The following TMOD4 variants were observed in gnomAD, a reference collection of about 807,000 sequenced individuals.
The protein encoded by TMOD4 is tropomodulin 4, also known as tropomodulin-4.
TMOD4 carries 34 observed loss-of-function variants against 45.4 expected under a neutral mutation model. The ratio of observed to expected loss-of-function variants is 0.75; its 90% CI spans 0.57 to 1.00. The LOEUF is 1.00. Ranked by LOEUF, TMOD4 falls within the 50% of genes least tolerant of loss-of-function variation. TMOD4 has a pLI of 0.00. For missense variants in TMOD4, 399 were observed against 437.5 expected, an observed-to-expected ratio of 0.91 and a Z score of 0.78; for synonymous variants, 131 against 153.9, an observed-to-expected ratio of 0.85 and a Z score of 1.10.
intron 2 of TMOD4, 71 bp from the exon 3 acceptor site, chr1:151,174,618 C>T (rs1217253976): frequency 2.5e-6 from 4 of 1,596,626 alleles, no homozygotes; most frequent in Non-Finnish European, 2.6e-6. Flanking sequence ...CTCCCTAAAA[C>T]ATCACCGGAC....
chr1:151,170,281 C>G (rs909761476), intron 9 of TMOD4, 178 bp from the exon 10 acceptor site: 1 of 849,780 alleles, frequency 1.2e-6, no homozygotes, highest in Non-Finnish European at 1.8e-6. Flanking sequence ...AATAAAATTA[C>G]GATACCTCTA....
At chr1:151,172,239 T>C in intron 5 of TMOD4, 29 bp downstream of exon 5, 1 of 1,582,784 alleles carries the variant, frequency 6.3e-7, no homozygotes, top group Non-Finnish European at 8.7e-7. Context: ...CCCAGAGCCC[T>C]GGGGACCATG....
At chr1:151,174,192 G>A (rs969166734) in intron 3 of TMOD4, among the ~76,000 whole-genome samples, 199 bp downstream of exon 3, 1 of 152,006 alleles carries the variant, frequency 6.6e-6, no homozygotes, top group Admixed American at 6.6e-5. Flanking sequence ...CTCCAGCCTG[G>A]GCAACAGAGT....
In TMOD4 at chr1:151,170,981, A is replaced by G. The variant is rs768607838; in HGVS notation, c.809T>C (p.Met270Thr). The change falls in exon 8 of 10, where the codon ATG (methionine) becomes ACG (threonine). Residue 270 changes from methionine (M) to threonine (T), a missense_variant. Met to Thr is a moderately conservative substitution (Grantham distance 81). Transcript: ENST00000295314. ...TTCCCGAACTGCCTTCAGCACAGCCATGAGTCCTGTGCTGCTAATGAAGTT... is the reference window on the plus strand; with the variant it reads ...TTCCCGAACTGCCTTCAGCACAGCCGTGAGTCCTGTGCTGCTAATGAAGTT... ...ESNFISSTGL[M>T]AVLKAVRENA... 3.7e-6 allele frequency: 6 copies of G among 1,614,042 alleles called. No individual in the cohort carries two copies. Among genetic ancestry groups the G allele is most frequent in the Admixed American group, 1.7e-5 (1 of 60,012 alleles).
intron 1 of TMOD4, chr1:151,175,544 G>A (rs1232878560): frequency 1.3e-5 from 2 of 152,266 alleles, no homozygotes; most frequent in Non-Finnish European, 2.9e-5. Flanking sequence ...TTGGGGGAAG[G>A]GTAGTAAGGC....
intron 7 of TMOD4, among the ~76,000 whole-genome samples, 178 bp from the exon 8 acceptor site, chr1:151,171,241 G>A (rs1683944130): frequency 6.6e-6 from 1 of 152,170 alleles, no homozygotes; most frequent in Non-Finnish European, 1.5e-5. Flanking sequence ...GGAGATGAAT[G>A]TGCAGTGGGA....
At chr1:151,170,778 G>A (rs1345427642) in intron 8 of TMOD4, 115 bp from the exon 9 acceptor site, 1 of 1,521,232 alleles carries the variant, frequency 6.6e-7, no homozygotes, top group Non-Finnish European at 8.9e-7. Context: ...TGGGTGAAGA[G>A]AGATGCTGAC....
In TMOD4 at chr1:151,170,566, C is replaced by G; in HGVS notation, c.968G>C (p.Gly323Ala). 1 of 1,614,168 alleles carries G rather than the reference C, an allele frequency of 6.2e-7. No individual in the cohort carries two copies. Among genetic ancestry groups the G allele is most frequent in the Non-Finnish European group, 8.5e-7 (1 of 1,180,032 alleles). Reference sequence around the variant, plus strand: ...GGCCTGGGCTGCCCGAGCTCGTGGCCCCTGCTGTGTAAAGTGGTAGCCAAA... The same window carrying G: ...GGCCTGGGCTGCCCGAGCTCGTGGCGCCTGCTGTGTAAAGTGGTAGCCAAA... ...VRFGYHFTQQ[G>A]PRARAAQAMT... Residue 323 changes from glycine (G) to alanine (A), a missense_variant, in exon 9 of 10, where the codon GGG becomes GCG. By Grantham distance (60) the Gly-to-Ala change is moderately conservative. Transcript: ENST00000295314.
At chr1:151,170,725 C>A in intron 8 of TMOD4, 62 bp from the exon 9 acceptor site, 1 of 1,598,976 alleles carries the variant, frequency 6.3e-7, no homozygotes, top group Non-Finnish European at 8.5e-7. Context: ...CATCCCACAT[C>A]ACAGACCCCT....
Position 151,174,379 on chromosome 1 carries a change from G to T in TMOD4, c.280+12C>A, listed in dbSNP as rs776263300. ...TGGGTTCTACGAGGCATGGATGTCA[G>T]GGTCCCCATACCCTTCTTCTCGCCT... On this transcript the variant is annotated intron_variant, in intron 3 of 9. Transcript: ENST00000295314. 6.2e-7 allele frequency: 1 copy of T among 1,612,168 alleles called. No homozygotes were observed. The highest frequency in any genetic ancestry group is 1.1e-5 in the South Asian group (1 of 90,994).
chr1:151,174,642 C>A, intron 2 of TMOD4, 95 bp from the exon 3 acceptor site: 1 of 1,593,732 alleles, frequency 6.3e-7, no homozygotes. Flanking sequence ...TTTCCCCTGG[C>A]CTTCTTAGGA....
intron 4 of TMOD4, 108 bp from the exon 5 acceptor site, chr1:151,172,465 A>T: frequency 1.2e-6 from 1 of 854,158 alleles, no homozygotes. Context: ...GACCACTTAC[A>T]CTTTGCCAAA....
At chr1:151,174,949 G>A (rs1684059775) in intron 1 of TMOD4, 32 bp from the exon 2 acceptor site, 2 of 1,584,170 alleles carry the variant, frequency 1.3e-6, no homozygotes, top group South Asian at 2.2e-5. Context: ...GATGGACAAT[G>A]GTAAGATGGA....
intron 1 of TMOD4, 113 bp from the exon 2 acceptor site, chr1:151,175,030 A>C (rs1484997210): frequency 3.6e-6 from 3 of 838,820 alleles, no homozygotes; most frequent in Non-Finnish European, 5.5e-6. Context: ...CTTGGAGATT[A>C]GAAGTCTAGT....
intron 1 of TMOD4, chr1:151,175,177 G>A: frequency 2.9e-6 from 1 of 343,544 alleles, no homozygotes; most frequent in East Asian, 7.2e-5. Flanking sequence ...GTATGACAGA[G>A]AAATCCTGGC....
chr1:151,171,595 T>C, intron 6 of TMOD4, 38 bp downstream of exon 6: 3 of 1,614,162 alleles, frequency 1.9e-6, no homozygotes, highest in Non-Finnish European at 8.5e-7. Flanking sequence ...TGTCAGTGGT[T>C]ATCCGGTGTT....
At chr1:151,170,784 C>G (rs1210316483) in intron 8 of TMOD4, 121 bp from the exon 9 acceptor site, 1 of 1,515,386 alleles carries the variant, frequency 6.6e-7, no homozygotes, top group Non-Finnish European at 8.9e-7. Context: ...AAGAGAGATG[C>G]TGACTTGGCT....
At chr1:151,172,431 G>A in intron 4 of TMOD4, 74 bp from the exon 5 acceptor site, 1 of 1,215,442 alleles carries the variant, frequency 8.2e-7, no homozygotes, top group Non-Finnish European at 1.2e-6. Flanking sequence ...ACCTATTTCT[G>A]AATCTGTTGC....
Position 151,171,692 on chromosome 1 carries a change from G to A in TMOD4, c.559C>T (p.Leu187=), listed in dbSNP as rs773787438. Residue 187 remains leucine, a synonymous_variant, in exon 6 of 10, where the codon CTA becomes TTA. Transcript: ENST00000295314. ...TTGTCATTGCTTCGGACCCTCTTTA[G>A]TATCTCCTCAATGTTTGTGGGATTT... ...PPNPTNIEEI[L]KRVRSNDKEL... is the part of the protein sequence containing the mutation. 8 of 1,614,064 alleles carry A rather than the reference G, an allele frequency of 5.0e-6. No individual in the cohort carries two copies. The highest frequency in any genetic ancestry group is 6.8e-6 in the Non-Finnish European group (8 of 1,180,014).
Sources: allele counts gnomAD v4.1 joint callset (sites outside exome capture counted in the v4.1 genomes callset), GRCh38; gene constraint gnomAD v4.1.1; transcripts MANE v1.5; gene names NCBI Gene and HGNC (gene_info 2026-07-23, HGNC 2026-07-21).